Variants in RABGAP1L observed in about 807,000 individuals in gnomAD.
The protein encoded by RABGAP1L is rab GTPase-activating protein 1-like.
Under a neutral mutation model 137.7 loss-of-function variants are expected in RABGAP1L, and 63 were observed. That is an observed-to-expected ratio of 0.46 (90% CI 0.37 to 0.56). The LOEUF (loss-of-function observed/expected upper bound fraction) is 0.56. RABGAP1L is among the 20% of genes least tolerant of loss of function. RABGAP1L has a pLI of 0.00. For missense variants in RABGAP1L, 1,095 were observed against 1,244.0 expected (o/e 0.88, Z 1.80); for synonymous variants, 431 against 433.7 (o/e 0.99, Z 0.08).
intron 1 of RABGAP1L, among the ~76,000 whole-genome samples, chr1:174,204,443 A>G (rs536732581): frequency 2.0e-5 from 3 of 152,118 alleles, no homozygotes; most frequent in Admixed American, 6.6e-5. Context: ...TTCCAATACT[A>G]TTTTTAATAG....
intron 14 of RABGAP1L, among the ~76,000 whole-genome samples, chr1:174,659,210 C>T (rs530400659): frequency 4.1e-5 from 6 of 147,208 alleles, no homozygotes; most frequent in African/African-American, 7.6e-5. Context: ...TGTGTGTTAC[C>T]GATGAAGATA....
At chr1:174,922,204 G>A (rs1661930133) in intron 19 of RABGAP1L, 1 of 152,338 alleles carries the variant, frequency 6.6e-6, no homozygotes, top group Admixed American at 6.5e-5. Flanking sequence ...ACCTTGCTAT[G>A]GGTGGCACCA....
chr1:174,535,763 A>C (rs1472071386), intron 13 of RABGAP1L, among the ~76,000 whole-genome samples: 1 of 152,208 alleles, frequency 6.6e-6, no homozygotes, highest in Non-Finnish European at 1.5e-5. Context: ...TGAAAAATGC[A>C]CTGACAACAG....
chr1:174,195,059 G>T (rs995187301), intron 1 of RABGAP1L, among the ~76,000 whole-genome samples: 1 of 152,062 alleles, frequency 6.6e-6, no homozygotes, highest in Non-Finnish European at 1.5e-5. Context: ...ATTATTTTCA[G>T]GAAGAGTATA....
chr1:174,773,922 A>G (rs1263248509), intron 18 of RABGAP1L, among the ~76,000 whole-genome samples: 4 of 152,172 alleles, frequency 2.6e-5, no homozygotes, highest in East Asian at 1.9e-4. Context: ...TCACTGCCCA[A>G]TATGTTTTTA....
chr1:174,823,195 A>T (rs1368022899), intron 19 of RABGAP1L, among the ~76,000 whole-genome samples: 2 of 152,222 alleles, frequency 1.3e-5, no homozygotes, highest in East Asian at 1.9e-4. Flanking sequence ...CAGCAGTCTT[A>T]TAATGGATCA....
rs987609724 is a variant in RABGAP1L at position 174,703,982 on chromosome 1, G to A, written c.2169+1726G>A. Among the ~76,000 whole-genome samples the A allele has an allele frequency of 5.3e-5, 8 of 151,606 alleles. No homozygotes were observed. The East Asian group carries it at 5.8e-4, about 11-fold the overall frequency. On this transcript the variant is annotated intron_variant, in intron 17 of 25. Coordinates refer to ENST00000681986, the MANE Select transcript of RABGAP1L (RefSeq NM_001366446.1). The stretch of plus-strand genomic sequence containing the variant: ...TGTTTAAAGATTTCTCTTTCTTTTC[G>A]TTTCCTTTTCTATTCTCTTTTCTTT...
chr1:174,395,287 A>C (rs190255538), intron 13 of RABGAP1L, among the ~76,000 whole-genome samples: 72 of 152,290 alleles, frequency 4.7e-4, no homozygotes, highest in Admixed American at 1.5e-3. Flanking sequence ...TGCATGTGTT[A>C]GATTAAGTGG....
chr1:174,444,939 C>G (rs1057212203), intron 13 of RABGAP1L, among the ~76,000 whole-genome samples: 5 of 151,690 alleles, frequency 3.3e-5, no homozygotes, highest in Non-Finnish European at 7.4e-5. Context: ...ATAATAATAA[C>G]CTATTTCGGT....
At chr1:174,387,181 T>G (rs1484374532) in intron 12 of RABGAP1L, among the ~76,000 whole-genome samples, 1 of 152,234 alleles carries the variant, frequency 6.6e-6, no homozygotes, top group African/African-American at 2.4e-5. Context: ...ACACTGAGGC[T>G]GTTTCACATT....
chr1:174,858,469 G>C (rs370972191), intron 19 of RABGAP1L, among the ~76,000 whole-genome samples: 1 of 152,132 alleles, frequency 6.6e-6, no homozygotes, highest in Non-Finnish European at 1.5e-5. Context: ...CAATGATTGT[G>C]CAAAGCATCT....
At chr1:174,670,587 C>T (rs1677102330) in intron 14 of RABGAP1L, among the ~76,000 whole-genome samples, 1 of 152,044 alleles carries the variant, frequency 6.6e-6, no homozygotes, top group Non-Finnish European at 1.5e-5. Flanking sequence ...TCCTTCTATT[C>T]TGTATGTCCA....
At chr1:174,585,414 G>C (rs1326020811) in intron 13 of RABGAP1L, among the ~76,000 whole-genome samples, 8 of 152,100 alleles carry the variant, frequency 5.3e-5, no homozygotes. Context: ...TACTGGACAG[G>C]TAAGGCACAT....
intron 18 of RABGAP1L, among the ~76,000 whole-genome samples, chr1:174,773,478 A>G (rs2148736573): frequency 6.6e-6 from 1 of 152,302 alleles, no homozygotes; most frequent in South Asian, 2.1e-4. Context: ...TCTCCATTCC[A>G]CAAATCTATG....
intron 17 of RABGAP1L, among the ~76,000 whole-genome samples, chr1:174,724,364 A>G (rs771091906): frequency 2.6e-5 from 4 of 152,226 alleles, no homozygotes; most frequent in Non-Finnish European, 5.9e-5. Context: ...TTTTAAAGGC[A>G]TTGAAAGGAG....
intron 13 of RABGAP1L, among the ~76,000 whole-genome samples, chr1:174,399,989 A>G (rs1273768248): frequency 6.6e-5 from 10 of 152,150 alleles, no homozygotes; most frequent in Admixed American, 5.9e-4. Flanking sequence ...CTTCCATGAA[A>G]AAGTAGTCTA....
At position 174,250,623 on chromosome 1, in the gene RABGAP1L, G is replaced by A; in HGVS notation, c.866G>A (p.Gly289Glu). The A allele has an allele frequency of 6.2e-7, 1 of 1,612,852 alleles. No homozygotes were observed. The highest frequency in any genetic ancestry group is 8.5e-7 in the Non-Finnish European group (1 of 1,179,552). The change falls in exon 6 of 26, where the codon GGA (glycine) becomes GAA (glutamate). Residue 289 changes from glycine (G) to glutamate (E), a missense_variant. Coordinates refer to ENST00000681986, the MANE Select transcript of RABGAP1L (RefSeq NM_001366446.1). ...GAGGTAAAAGAAGACGATGGAAAAG[G>A]AAACTTTAGGTGAGGCATTTGGAAA... ...SLEVKEDDGKGNFSPVPKDRD... is the reference protein window; with the variant it reads ...SLEVKEDDGKENFSPVPKDRD...
chr1:174,271,880 T>C (rs535232228), intron 7 of RABGAP1L, among the ~76,000 whole-genome samples: 1 of 150,260 alleles, frequency 6.7e-6, no homozygotes, highest in East Asian at 1.9e-4. Flanking sequence ...TTGCATAACT[T>C]TTTTTTTTTA....
intron 13 of RABGAP1L, chr1:174,545,447 T>C (rs1171872047): frequency 6.6e-6 from 1 of 152,350 alleles, no homozygotes; most frequent in Non-Finnish European, 1.5e-5. Flanking sequence ...GCTAAGACCA[T>C]TGGAAAAGCG....
Sources: allele counts gnomAD v4.1 joint callset (sites outside exome capture counted in the v4.1 genomes callset), GRCh38; gene constraint gnomAD v4.1.1; transcripts MANE v1.5; gene names NCBI Gene and HGNC (gene_info 2026-07-23, HGNC 2026-07-21).